The following MEGF11 variants were observed in gnomAD, a reference collection of about 807,000 sequenced individuals.
MEGF11 encodes the protein multiple epidermal growth factor-like domains protein 11.
Under a neutral mutation model 146.6 loss-of-function variants are expected in MEGF11, and 126 were observed. That is an observed-to-expected ratio of 0.86 (90% confidence interval 0.74 to 1.00). The LOEUF (loss-of-function observed/expected upper bound fraction) is 1.00, where lower values mean the gene tolerates loss of function less well. Ranked by LOEUF, MEGF11 falls within the 50% of genes least tolerant of loss-of-function variation. The pLI is 0.00. For missense variants in MEGF11, 1,509 were observed against 1,521.2 expected (o/e 0.99, Z 0.13); for synonymous variants, 532 against 583.4 (o/e 0.91, Z 1.27).
At chr15:66,118,810 G>T (rs2140908387) in intron 4 of MEGF11, among the ~76,000 whole-genome samples, 1 of 152,318 alleles carries the variant, frequency 6.6e-6, no homozygotes, top group East Asian at 1.9e-4. Context: ...TCCAGAAGGA[G>T]CCACTTCTCC....
At chr15:66,037,836 G>A (rs2083785478) in intron 5 of MEGF11, among the ~76,000 whole-genome samples, 1 of 152,200 alleles carries the variant, frequency 6.6e-6, no homozygotes, top group African/African-American at 2.4e-5. Flanking sequence ...ACTGTGTCTA[G>A]CCCGGGGTTC....
chr15:66,166,221 C>T (rs994345618), intron 1 of MEGF11, among the ~76,000 whole-genome samples: 1 of 152,132 alleles, frequency 6.6e-6, no homozygotes, highest in African/African-American at 2.4e-5. Context: ...CAGGGTTTGC[C>T]GCCATGGGGA....
chr15:66,211,147 C>G (rs2091434190), intron 1 of MEGF11, among the ~76,000 whole-genome samples: 1 of 152,212 alleles, frequency 6.6e-6, no homozygotes, highest in Admixed American at 6.5e-5. Context: ...ACCTCCATTC[C>G]CCTGGAGGTA....
chr15:65,991,733 A>G (rs1031079582), intron 5 of MEGF11, among the ~76,000 whole-genome samples: 9 of 152,204 alleles, frequency 5.9e-5, no homozygotes, highest in African/African-American at 2.2e-4. Flanking sequence ...TCCACATTTT[A>G]CAGGTCAGGA....
chr15:65,914,815 A>G (rs979425675), intron 19 of MEGF11, among the ~76,000 whole-genome samples: 6 of 152,190 alleles, frequency 3.9e-5, no homozygotes, highest in African/African-American at 1.4e-4. Flanking sequence ...TTCATCCCCC[A>G]TCTAGAACCA....
intron 1 of MEGF11, among the ~76,000 whole-genome samples, chr15:66,243,020 C>T (rs1358807859): frequency 6.6e-6 from 1 of 152,204 alleles, no homozygotes; most frequent in Non-Finnish European, 1.5e-5. Flanking sequence ...ACTTTAAGCA[C>T]TACCCTGCCT....
intron 10 of MEGF11, among the ~76,000 whole-genome samples, chr15:65,950,521 C>T (rs1325495015): frequency 1.3e-5 from 2 of 151,884 alleles, no homozygotes; most frequent in African/African-American, 4.8e-5. Flanking sequence ...CAAGGCTGCA[C>T]AGTGAGCCAA....
rs112774681 is a variant in MEGF11 at position 66,078,729 on chromosome 15, C to T, written c.394+15673G>A. On this transcript the variant is annotated intron_variant, in intron 5 of 25. Coordinates refer to ENST00000395614, the MANE Select transcript of MEGF11 (RefSeq NM_001385028.1). ...GTGGGGCTGGGGAGGGGTATCCGCC[C>T]GGTTGCCAGCACGTGCGACAACGCC... Among the ~76,000 whole-genome samples, 116 of 152,250 alleles carry T rather than the reference C, an allele frequency of 7.6e-4. No individual in the cohort carries two copies. The Middle Eastern group carries it at 0.02, about 27-fold the overall frequency.
At chr15:66,223,377 T>C (rs2091779940) in intron 1 of MEGF11, among the ~76,000 whole-genome samples, 1 of 151,578 alleles carries the variant, frequency 6.6e-6, no homozygotes, top group South Asian at 2.1e-4. Flanking sequence ...ATAGGGTTAC[T>C]TTTTTGGGGT....
chr15:66,167,412 C>A (rs559803736), intron 1 of MEGF11, among the ~76,000 whole-genome samples: 1 of 151,836 alleles, frequency 6.6e-6, no homozygotes, highest in East Asian at 2.0e-4. Flanking sequence ...GAGGCCGAGG[C>A]GGGCGGATCA....
In MEGF11 at chr15:65,977,760, T is replaced by TTG. The variant is rs551341914; in HGVS notation, c.762+3016_762+3017dup. The stretch of plus-strand genomic sequence containing the variant: ...AGCCTCCTCTCTTCCAGTCTTTTCT[T>TTG]TGTGTGTGTGTGTGTATGCATGTAG... On this transcript the variant is annotated intron_variant, in intron 7 of 25. Coordinates refer to ENST00000395614, the MANE Select transcript of MEGF11 (RefSeq NM_001385028.1). Among the ~76,000 whole-genome samples, 570 of 151,666 alleles carry TTG rather than the reference T, an allele frequency of 3.8e-3. 2 individuals are homozygous for TTG. In the Middle Eastern group the frequency reaches 0.041, roughly 11 times the overall value.
At chr15:66,068,736 G>A (rs1030582022) in intron 5 of MEGF11, among the ~76,000 whole-genome samples, 10 of 152,198 alleles carry the variant, frequency 6.6e-5, no homozygotes, top group African/African-American at 2.2e-4. Context: ...CTGTTCTTCA[G>A]GTGACTGAAT....
At chr15:66,209,359 A>C (rs1039265335) in intron 1 of MEGF11, among the ~76,000 whole-genome samples, 1 of 152,118 alleles carries the variant, frequency 6.6e-6, no homozygotes, top group African/African-American at 2.4e-5. Flanking sequence ...TAAAAAAAAA[A>C]AACAAAAAAA....
At chr15:66,156,816 C>T (rs935209327) in intron 1 of MEGF11, among the ~76,000 whole-genome samples, 8 of 152,172 alleles carry the variant, frequency 5.3e-5, no homozygotes, top group South Asian at 2.1e-4. Context: ...TTTATCATCA[C>T]AGTCCAATTT....
chr15:66,115,261 C>A (rs995378956), intron 4 of MEGF11, among the ~76,000 whole-genome samples: 1 of 152,210 alleles, frequency 6.6e-6, no homozygotes, highest in Non-Finnish European at 1.5e-5. Context: ...TCTGGAGAGA[C>A]AAGTCGCAGG....
intron 1 of MEGF11, among the ~76,000 whole-genome samples, chr15:66,137,605 T>C (rs1003443819): frequency 6.7e-6 from 1 of 149,108 alleles, no homozygotes; most frequent in South Asian, 2.1e-4. Flanking sequence ...CAGGCTGGAG[T>C]GCGGTGGCAC....
At chr15:66,234,226 T>A (rs891165163) in intron 1 of MEGF11, among the ~76,000 whole-genome samples, 18 of 152,194 alleles carry the variant, frequency 1.2e-4, no homozygotes, top group Non-Finnish European at 2.4e-4. Flanking sequence ...AATGTAAGAC[T>A]GGAACTACTG....
chr15:66,067,199 G>A (rs1597048181), intron 5 of MEGF11, among the ~76,000 whole-genome samples: 2 of 152,166 alleles, frequency 1.3e-5, no homozygotes, highest in African/African-American at 4.8e-5. Flanking sequence ...ATGAAGCTTT[G>A]CCCAGGTCTA....
chr15:66,220,881 C>A (rs935182992), intron 1 of MEGF11, among the ~76,000 whole-genome samples: 1 of 151,938 alleles, frequency 6.6e-6, no homozygotes, highest in African/African-American at 2.4e-5. Context: ...TGATTGTGGT[C>A]GTGGTTACAT....
Sources: gnomAD v4.1 joint callset for allele counts (sites outside exome capture counted in the v4.1 genomes callset) on GRCh38, gnomAD v4.1.1 for gene constraint, MANE v1.5 for transcripts, NCBI Gene and HGNC (gene_info 2026-07-23, HGNC 2026-07-21) for gene names.